Variants in LMBR1 observed in about 807,000 individuals in gnomAD.
LMBR1 encodes the protein limb development membrane protein 1, also known as limb region 1 protein homolog.
LMBR1 carries 52 observed loss-of-function variants against 73.9 expected under a neutral mutation model. The ratio of observed to expected loss-of-function variants is 0.70; its 90% CI spans 0.56 to 0.89. LMBR1 has a LOEUF of 0.89. Ranked by LOEUF, LMBR1 falls within the 40% of genes least tolerant of loss-of-function variation. The pLI, the probability that LMBR1 is intolerant of heterozygous loss-of-function variation, is 0.00. For synonymous variants in LMBR1, 215 were observed against 209.4 expected, an observed-to-expected ratio of 1.03 and a Z score of -0.23; for missense variants, 539 against 579.8, an observed-to-expected ratio of 0.93 and a Z score of 0.72.
chr7:156,677,930 C>T lies in LMBR1; in HGVS notation c.*6148G>A, dbSNP rs1337405634. ...CAATTTTCTGTAAGCTGACATCTCT[C>T]TCCCCATAGCGTTGACAGGCAAAGC... On this transcript the variant is annotated 3_prime_UTR_variant, in exon 17 of 17. Transcript: ENST00000353442. The T allele has an allele frequency of 6.6e-6, 1 of 152,218 alleles. No individual in the cohort carries two copies. The highest frequency in any genetic ancestry group is 1.5e-5 in the Non-Finnish European group (1 of 68,042). The allele number at this position is 152,218 out of a possible 1,614,324, so 9.4% of individuals were successfully genotyped here.
intron 3 of LMBR1, 116 bp from the exon 4 acceptor site, chr7:156,826,860 C>T (rs1835792308): frequency 2.1e-6 from 2 of 961,878 alleles, no homozygotes; most frequent in Admixed American, 3.0e-5. Flanking sequence ...ATATTAAGAA[C>T]TTTATTAAAT....
intron 1 of LMBR1, among the ~76,000 whole-genome samples, chr7:156,891,747 A>G (rs1803039131): frequency 6.6e-6 from 1 of 152,254 alleles, no homozygotes. Flanking sequence ...ATGTATGATT[A>G]CATGAACTTA....
chr7:156,855,657 A>T (rs1796842606), intron 1 of LMBR1, among the ~76,000 whole-genome samples: 1 of 141,448 alleles, frequency 7.1e-6, no homozygotes, highest in African/African-American at 2.6e-5. Context: ...CCAACAAACA[A>T]CGTAAATACA....
intron 1 of LMBR1, among the ~76,000 whole-genome samples, chr7:156,891,982 A>G (rs1285522000): frequency 6.6e-6 from 1 of 152,222 alleles, no homozygotes; most frequent in Non-Finnish European, 1.5e-5. Context: ...ACAACTTAGG[A>G]GAGGCGTAAA....
chr7:156,835,856 T>C (rs1424239409), intron 2 of LMBR1, among the ~76,000 whole-genome samples: 1 of 152,214 alleles, frequency 6.6e-6, no homozygotes, highest in Non-Finnish European at 1.5e-5. Context: ...TCTCCAATTT[T>C]CCCACTCACC....
intron 15 of LMBR1, among the ~76,000 whole-genome samples, chr7:156,695,455 G>C (rs898062153): frequency 2.6e-5 from 4 of 152,184 alleles, no homozygotes; most frequent in Non-Finnish European, 4.4e-5. Context: ...CTCAGTTTCT[G>C]GGGAGGTCTA....
intron 1 of LMBR1, among the ~76,000 whole-genome samples, chr7:156,871,113 C>T (rs563716944): frequency 6.6e-6 from 1 of 152,142 alleles, no homozygotes; most frequent in African/African-American, 2.4e-5. Flanking sequence ...AGAGACATTA[C>T]AACTGATGCC....
Position 156,810,584 on chromosome 7 carries a change from T to C in LMBR1, c.320-14092A>G, listed in dbSNP as rs368626683. 4.7e-5 allele frequency among the ~76,000 whole-genome samples: 7 copies of C among 148,864 alleles called. No individual in the cohort carries two copies. The East Asian group carries it at 6.1e-4, about 13-fold the overall frequency. ...ATTTTTGTATTTTTAGTAAAAATGG[T>C]GTTTCATCATGTTGGCCAGGCTGGT... On this transcript the variant is annotated intron_variant, in intron 4 of 16. Coordinates refer to ENST00000353442, the MANE Select transcript of LMBR1 (RefSeq NM_022458.4).
At chr7:156,849,912 G>A (rs1192078585) in intron 1 of LMBR1, among the ~76,000 whole-genome samples, 1 of 152,030 alleles carries the variant, frequency 6.6e-6, no homozygotes, top group East Asian at 1.9e-4. Flanking sequence ...AATGGCCAAG[G>A]CTATGCATGT....
At chr7:156,833,497 A>T in intron 3 of LMBR1, 2 of 433,894 alleles carry the variant, frequency 4.6e-6, no homozygotes, top group Non-Finnish European at 8.1e-6. Context: ...ATGACCAAGC[A>T]ATTAAATTAA....
intron 5 of LMBR1, among the ~76,000 whole-genome samples, chr7:156,772,323 T>C (rs1239944963): frequency 2.0e-5 from 3 of 152,126 alleles, no homozygotes; most frequent in South Asian, 2.1e-4. Context: ...AAGCTTTCTA[T>C]AAAATTCAAC....
chr7:156,737,851 T>C (rs1020084885), intron 9 of LMBR1, among the ~76,000 whole-genome samples: 1 of 152,110 alleles, frequency 6.6e-6, no homozygotes, highest in Non-Finnish European at 1.5e-5. Flanking sequence ...ATGGGAGGCT[T>C]TCCTTGGATA....
At chr7:156,815,156 C>CAA (rs10674367) in intron 4 of LMBR1, among the ~76,000 whole-genome samples, 33,501 of 83,780 alleles carry the variant, frequency 0.4, 5,952 homozygotes, top group East Asian at 0.48. Context: ...AACTCCGTCT[C>CAA]AAAAAAAAAA....
At chr7:156,825,528 A>G (rs1348324948) in intron 4 of LMBR1, among the ~76,000 whole-genome samples, 16 of 152,206 alleles carry the variant, frequency 1.1e-4, no homozygotes, top group Admixed American at 9.8e-4. Context: ...TTTAATATAT[A>G]CACCAACTAT....
In LMBR1 at chr7:156,843,103, C is replaced by T. The variant is rs114500725; in HGVS notation, c.67-6218G>A. 6.1e-3 allele frequency among the ~76,000 whole-genome samples: 934 copies of T among 152,228 alleles called. 13 individuals are homozygous for T. The highest frequency in any genetic ancestry group is 0.021 in the African/African-American group (891 of 41,488). On this transcript the variant is annotated intron_variant, in intron 1 of 16. Coordinates refer to ENST00000353442, the MANE Select transcript of LMBR1 (RefSeq NM_022458.4). ...TGCAGCAACTTCTGTCAGCAGTCTT[C>T]CTCCCTCTCTGTTGTTCTCCCAGTC...
At position 156,728,625 on chromosome 7, in the gene LMBR1, T is replaced by C. The variant is rs369217254; in HGVS notation, c.915+19A>G. On this transcript the variant is annotated intron_variant, in intron 11 of 16. Coordinates refer to ENST00000353442, the MANE Select transcript of LMBR1 (RefSeq NM_022458.4). ...AAAATATAATTTGCTTTTATTTAAC[T>C]AGGCAAATAAATTCTTACTGTCTCA... 1.9e-6 allele frequency: 3 copies of C among 1,556,156 alleles called. No homozygotes were observed. Among genetic ancestry groups the C allele is most frequent in the Non-Finnish European group, 1.7e-6 (2 of 1,149,982 alleles).
chr7:156,792,621 T>C lies in LMBR1; in HGVS notation c.423+3768A>G, dbSNP rs1051977424. On this transcript the variant is annotated intron_variant, in intron 5 of 16. Transcript: ENST00000353442. Reference sequence around the variant, plus strand: ...CGGTAAGAAGAGAGAAGCAAAGCTATTGAAGGCCCTTAAAAGGACATAGTC... The same window carrying C: ...CGGTAAGAAGAGAGAAGCAAAGCTACTGAAGGCCCTTAAAAGGACATAGTC... 2.4e-4 allele frequency among the ~76,000 whole-genome samples: 37 copies of C among 152,328 alleles called. No homozygotes were observed. Among genetic ancestry groups the C allele is most frequent in the African/African-American group, 7.7e-4 (32 of 41,580 alleles).
chr7:156,689,142 G>A (rs1185424090), intron 15 of LMBR1, among the ~76,000 whole-genome samples: 1 of 151,822 alleles, frequency 6.6e-6, no homozygotes, highest in Non-Finnish European at 1.5e-5. Flanking sequence ...AGTATTTACT[G>A]GAAAAAAATA....
intron 16 of LMBR1, among the ~76,000 whole-genome samples, 196 bp downstream of exon 16, chr7:156,687,834 G>A (rs1252723643): frequency 6.6e-6 from 1 of 152,176 alleles, no homozygotes; most frequent in Non-Finnish European, 1.5e-5. Flanking sequence ...CTAACAGGAA[G>A]ATGATACTAT....
Sources: allele counts gnomAD v4.1 joint callset (sites outside exome capture counted in the v4.1 genomes callset), GRCh38; gene constraint gnomAD v4.1.1; transcripts MANE v1.5; gene names NCBI Gene and HGNC (gene_info 2026-07-23, HGNC 2026-07-21).